The following CHLSN variants were observed in gnomAD, a reference collection of about 807,000 sequenced individuals.
The protein encoded by CHLSN is cholesin, also known as protein cholesin.
chr7:984,855 G>C, the CHLSN span: 1 of 1,468,480 alleles, frequency 6.8e-7, no homozygotes, highest in South Asian at 1.3e-5. Flanking sequence ...AGCCAGTCTC[G>C]CTGCCCTGTC....
chr7:1,057,584 G>A, the CHLSN span: 10 of 772,238 alleles, frequency 1.3e-5, no homozygotes, highest in South Asian at 1.4e-4. Context: ...AGGACCTGCA[G>A]CTGGGGCTGT....
the CHLSN span, among the ~76,000 whole-genome samples, chr7:1,136,403 T>TAA: frequency 8.6e-5 from 10 of 116,010 alleles, no homozygotes; most frequent in South Asian, 4.9e-4. Flanking sequence ...TATATAAATA[T>TAA]ATATAAACAT....
At chr7:1,022,044 C>T in the CHLSN span, among the ~76,000 whole-genome samples, 11 of 152,320 alleles carry the variant, frequency 7.2e-5, no homozygotes, top group South Asian at 2.1e-4. Context: ...TGGGCCACAT[C>T]GGACAGGCCA....
At chr7:1,000,237 G>C in the CHLSN span, among the ~76,000 whole-genome samples, 1 of 152,096 alleles carries the variant, frequency 6.6e-6, no homozygotes, top group Non-Finnish European at 1.5e-5. Context: ...GTGCACAGGA[G>C]ACGTGCCTGC....
chr7:1,099,688 T>A, the CHLSN span, among the ~76,000 whole-genome samples: 2 of 152,222 alleles, frequency 1.3e-5, no homozygotes, highest in Non-Finnish European at 2.9e-5. Context: ...CAGCTCCGCC[T>A]CCTGCAGAGC....
At chr7:1,028,439 C>T in the CHLSN span, 1 of 985,858 alleles carries the variant, frequency 1.0e-6, no homozygotes, top group Non-Finnish European at 1.2e-6. Flanking sequence ...AGCGCGCCTG[C>T]GGGGACTGGA....
At chr7:987,526 C>A in the CHLSN span, 2 of 1,521,716 alleles carry the variant, frequency 1.3e-6, no homozygotes, top group Admixed American at 3.9e-5. Context: ...CTTCCTGCTC[C>A]CCAAGGTGGG....
the CHLSN span, chr7:985,253 AC>A: frequency 6.4e-7 from 1 of 1,551,294 alleles, no homozygotes; most frequent in Non-Finnish European, 8.7e-7. Context: ...GACTACCGGG[AC>A]CCCGTGTTTG....
the CHLSN span, among the ~76,000 whole-genome samples, chr7:1,015,037 G>T: frequency 1.3e-5 from 2 of 152,356 alleles, no homozygotes; most frequent in African/African-American, 4.8e-5. Context: ...TGCCGGGCAG[G>T]GCCTGACACG....
the CHLSN span, among the ~76,000 whole-genome samples, chr7:1,014,702 ATC>A: frequency 2.6e-5 from 4 of 152,260 alleles, no homozygotes; most frequent in Non-Finnish European, 5.9e-5. Context: ...CTGGACACCA[ATC>A]TCCACGGTTC....
chr7:987,681 A>G, the CHLSN span: 1 of 819,312 alleles, frequency 1.2e-6, no homozygotes, highest in Non-Finnish European at 1.8e-6. Context: ...AGCCAGGAGC[A>G]GGAGGGAGGC....
the CHLSN span, among the ~76,000 whole-genome samples, chr7:1,051,204 C>T: frequency 6.6e-5 from 10 of 152,208 alleles, no homozygotes; most frequent in Admixed American, 5.2e-4. Flanking sequence ...TCCCAGAAAA[C>T]GGGGCGCCAG....
chr7:1,001,429 G>A, the CHLSN span, among the ~76,000 whole-genome samples: 1 of 147,412 alleles, frequency 6.8e-6, no homozygotes. Flanking sequence ...AGTCCTGTGG[G>A]TGGGGATTCC....
the CHLSN span, among the ~76,000 whole-genome samples, chr7:1,109,757 C>A: frequency 2.2e-3 from 329 of 152,124 alleles, no homozygotes; most frequent in African/African-American, 7.4e-3. Flanking sequence ...CGGAGCCCTT[C>A]CCGCCCGCCG....
At chr7:982,252 C>T in the CHLSN span, among the ~76,000 whole-genome samples, 1 of 152,084 alleles carries the variant, frequency 6.6e-6, no homozygotes, top group African/African-American at 2.4e-5. Flanking sequence ...CTTTCCCTCC[C>T]AGCTAATCAA....
At chr7:1,052,768 G>A in the CHLSN span, among the ~76,000 whole-genome samples, 1 of 152,094 alleles carries the variant, frequency 6.6e-6, no homozygotes, top group Non-Finnish European at 1.5e-5. The surrounding 1 kb of genome is among the most constrained non-coding windows in gnomAD (Gnocchi z 4.2). Context: ...TGACTGGAGG[G>A]CATGTGCCAG....
chr7:1,135,834 T>C, the CHLSN span, among the ~76,000 whole-genome samples: 1 of 138,946 alleles, frequency 7.2e-6, no homozygotes, highest in Non-Finnish European at 1.5e-5. Context: ...AATATATAAA[T>C]ATATTTACAT....
chr7:1,008,080 G>A, the CHLSN span, among the ~76,000 whole-genome samples: 1 of 152,210 alleles, frequency 6.6e-6, no homozygotes, highest in Non-Finnish European at 1.5e-5. Flanking sequence ...CATCAGGGCA[G>A]GTCCAGAACA....
the CHLSN span, among the ~76,000 whole-genome samples, chr7:1,008,924 T>G: frequency 1.3e-5 from 2 of 150,406 alleles, no homozygotes; most frequent in African/African-American, 2.5e-5. Context: ...CGTATACACA[T>G]GCGCATACAT....
Sources: allele counts gnomAD v4.1 joint callset (sites outside exome capture counted in the v4.1 genomes callset), GRCh38; gene constraint gnomAD v4.1.1; non-coding constraint Gnocchi (gnomAD v3.1); transcripts MANE v1.5; gene names NCBI Gene and HGNC (gene_info 2026-07-23, HGNC 2026-07-21).